ADCY2: variants seen among roughly 807,000 people sequenced by gnomAD.
The protein encoded by ADCY2 is adenylate cyclase 2.
A neutral mutation model predicts 125.2 loss-of-function variants in ADCY2; 31 were observed. The ratio of observed to expected loss-of-function variants is 0.25; its 90% CI spans 0.19 to 0.33. The LOEUF is 0.33. Ranked by LOEUF, ADCY2 falls within the 10% of genes least tolerant of loss-of-function variation. The probability of loss-of-function intolerance (pLI) is 1.00; values close to 1 mark genes in which losing one functional copy is unlikely to be tolerated. For synonymous variants in ADCY2, 512 were observed against 548.4 expected (o/e 0.93, Z 0.93); for missense variants, 904 against 1,418.2 (o/e 0.64, Z 5.82).
intron 4 of ADCY2, among the ~76,000 whole-genome samples, chr5:7,652,162 G>T (rs1739119176): frequency 6.6e-6 from 1 of 152,160 alleles, no homozygotes; most frequent in Admixed American, 6.5e-5. Context: ...CAGGAGATAT[G>T]TCAACATTTA....
At chr5:7,645,083 A>C (rs555896634) in intron 4 of ADCY2, among the ~76,000 whole-genome samples, 1 of 152,282 alleles carries the variant, frequency 6.6e-6, no homozygotes, top group East Asian at 1.9e-4. Context: ...TGTCCTTAGG[A>C]AAGTTACTTC....
chr5:7,777,072 C>T (rs1560981673), intron 18 of ADCY2, among the ~76,000 whole-genome samples: 1 of 141,808 alleles, frequency 7.1e-6, no homozygotes, highest in Non-Finnish European at 1.6e-5. Context: ...TATATATATA[C>T]ATCCTATTAG....
chr5:7,446,578 A>G (rs1741264175), intron 2 of ADCY2, among the ~76,000 whole-genome samples: 2 of 152,096 alleles, frequency 1.3e-5, no homozygotes, highest in African/African-American at 4.8e-5. Flanking sequence ...ACATACATAC[A>G]TACATAAATG....
intron 19 of ADCY2, 117 bp from the exon 20 acceptor site, chr5:7,789,525 G>A: frequency 9.8e-7 from 1 of 1,017,994 alleles, no homozygotes; most frequent in Non-Finnish European, 1.5e-6. Flanking sequence ...TGGAAGTTCT[G>A]TTTGGGGGTT....
chr5:7,665,438 GCT>G (rs899353774), intron 4 of ADCY2, among the ~76,000 whole-genome samples: 9 of 152,100 alleles, frequency 5.9e-5, no homozygotes, highest in African/African-American at 2.2e-4. Context: ...CTTGCACCAG[GCT>G]CACAGACACT....
chr5:7,631,521 T>A (rs1429536341), intron 4 of ADCY2, among the ~76,000 whole-genome samples: 1 of 152,198 alleles, frequency 6.6e-6, no homozygotes, highest in Non-Finnish European at 1.5e-5. Context: ...TCTCTGGGAA[T>A]GTTAACTGGA....
At chr5:7,680,738 A>T (rs900749823) in intron 4 of ADCY2, among the ~76,000 whole-genome samples, 4 of 152,314 alleles carry the variant, frequency 2.6e-5, no homozygotes, top group South Asian at 2.1e-4. Context: ...AATGCATTAC[A>T]TGATTGATTT....
At chr5:7,433,926 C>T (rs1439287665) in intron 2 of ADCY2, among the ~76,000 whole-genome samples, 1 of 152,064 alleles carries the variant, frequency 6.6e-6, no homozygotes, top group African/African-American at 2.4e-5. Flanking sequence ...GTCTTCATGT[C>T]ATACAAATTA....
chr5:7,630,533 G>A (rs1030777435), intron 4 of ADCY2, among the ~76,000 whole-genome samples: 2 of 152,070 alleles, frequency 1.3e-5, no homozygotes, highest in African/African-American at 4.8e-5. Context: ...AAATTTGATG[G>A]CTTAAAACAG....
intron 5 of ADCY2, among the ~76,000 whole-genome samples, chr5:7,694,710 C>G (rs1185437549): frequency 2.0e-5 from 3 of 152,166 alleles, no homozygotes; most frequent in Non-Finnish European, 4.4e-5. Flanking sequence ...CATCTTTTGG[C>G]TGTTGTGAAT....
At position 7,575,343 on chromosome 5, in the gene ADCY2, A is replaced by G. The variant is rs145724520; in HGVS notation, c.571-50824A>G. ...GCATTAAAATAATGAAAAAAACACA[A>G]AACTGTTTTTTAAAAACCTCAATTT... is the stretch of plus-strand genomic sequence containing the variant. On this transcript the variant is annotated intron_variant, in intron 3 of 24. Transcript: ENST00000338316. 1.2e-3 allele frequency among the ~76,000 whole-genome samples: 183 copies of G among 152,284 alleles called. 1 individual carries two copies. The highest frequency in any genetic ancestry group is 4.2e-3 in the African/African-American group (174 of 41,564).
intron 5 of ADCY2, 48 bp from the exon 6 acceptor site, chr5:7,695,704 A>C (rs1194272252): frequency 8.6e-7 from 1 of 1,162,066 alleles, no homozygotes; most frequent in Admixed American, 2.6e-5. Context: ...TTCTTAAAAA[A>C]TGTATAAACT....
At chr5:7,561,673 G>A (rs556536997) in intron 3 of ADCY2, among the ~76,000 whole-genome samples, 1 of 151,668 alleles carries the variant, frequency 6.6e-6, no homozygotes, top group African/African-American at 2.4e-5. Context: ...CATGGTTATT[G>A]TAACATAATG....
intron 4 of ADCY2, among the ~76,000 whole-genome samples, chr5:7,635,272 G>T (rs1278959999): frequency 6.6e-6 from 1 of 152,140 alleles, no homozygotes; most frequent in East Asian, 1.9e-4. Flanking sequence ...GTTGGAGAAG[G>T]GATGAGTGTT....
chr5:7,743,517 AT>A, intron 14 of ADCY2, 150 bp from the exon 15 acceptor site: 1 of 716,946 alleles, frequency 1.4e-6, no homozygotes, highest in Admixed American at 2.3e-5. Context: ...TGTATGTGGC[AT>A]TTTAGCTCCA....
At chr5:7,766,905 C>A in intron 17 of ADCY2, 99 bp downstream of exon 17, 1 of 1,392,476 alleles carries the variant, frequency 7.2e-7, no homozygotes, top group Non-Finnish European at 9.5e-7. Flanking sequence ...CTAGACTTTG[C>A]ATTTCCTCTC....
At chr5:7,653,008 T>C (rs1357184409) in intron 4 of ADCY2, among the ~76,000 whole-genome samples, 2 of 152,198 alleles carry the variant, frequency 1.3e-5, no homozygotes, top group Non-Finnish European at 2.9e-5. Context: ...GTAAATTCCA[T>C]GATGCTGAGT....
In ADCY2 at chr5:7,807,412, A is replaced by G. The variant is rs560752018; in HGVS notation, c.2883+2720A>G. On this transcript the variant is annotated intron_variant, in intron 22 of 24. Transcript: ENST00000338316. ...TCTTAATGACCAAAAAAACACTTCCAGATTCCAAAATTCCAGTCCAATCAC... is the reference window on the plus strand; with the variant it reads ...TCTTAATGACCAAAAAAACACTTCCGGATTCCAAAATTCCAGTCCAATCAC... 3.9e-5 allele frequency among the ~76,000 whole-genome samples: 6 copies of G among 152,332 alleles called. No individual in the cohort carries two copies. In the East Asian group the frequency reaches 1.2e-3, roughly 29 times the overall value.
At chr5:7,453,704 C>T (rs1241972721) in intron 2 of ADCY2, among the ~76,000 whole-genome samples, 2 of 152,136 alleles carry the variant, frequency 1.3e-5, no homozygotes, top group East Asian at 3.9e-4. Context: ...TATACGTTGG[C>T]ATACTTCCGG....
Sources: gnomAD v4.1 joint callset for allele counts (sites outside exome capture counted in the v4.1 genomes callset) on GRCh38, gnomAD v4.1.1 for gene constraint, MANE v1.5 for transcripts, NCBI Gene and HGNC (gene_info 2026-07-23, HGNC 2026-07-21) for gene names.